ZFHX2: variants seen among roughly 807,000 people sequenced by gnomAD.
ZFHX2 encodes the protein zinc finger homeobox protein 2.
A neutral mutation model predicts 164.8 loss-of-function variants in ZFHX2; 75 were observed. The ratio of observed to expected loss-of-function variants is 0.46; its 90% CI spans 0.38 to 0.55. The LOEUF is 0.55. Among genes scored for constraint, ZFHX2 ranks in the 20% least tolerant of loss-of-function variants. The probability of loss-of-function intolerance (pLI) is 0.00; values close to 1 mark genes in which losing one functional copy is unlikely to be tolerated. For missense variants in ZFHX2, 2,933 were observed against 3,308.0 expected, an observed-to-expected ratio of 0.89 and a Z score of 2.78; for synonymous variants, 1,217 against 1,351.4, an observed-to-expected ratio of 0.90 and a Z score of 2.18.
Position 23,546,289 on chromosome 14 carries a change from T to A in ZFHX2, c.-50+5054A>T, listed in dbSNP as rs1009628655. 6.6e-6 allele frequency among the ~76,000 whole-genome samples: 1 copy of A among 152,230 alleles called. No individual in the cohort carries two copies. The highest frequency in any genetic ancestry group is 1.5e-5 in the Non-Finnish European group (1 of 68,050). Reference sequence around the variant, plus strand: ...TCCAAGGCCTGAACTTTAGCTTTGATGTAATCCTGTGTTCCTGCCAAATAC... The same window carrying A: ...TCCAAGGCCTGAACTTTAGCTTTGAAGTAATCCTGTGTTCCTGCCAAATAC... On this transcript the variant is annotated intron_variant, in intron 1 of 9. Transcript: ENST00000419474. The surrounding 1 kb of genome is among the most constrained non-coding windows in gnomAD (Gnocchi z 4.7).
chr14:23,533,543 G>A lies in ZFHX2; in HGVS notation c.1783C>T (p.Gln595Ter). 1 of 1,536,260 alleles carries A rather than the reference G, an allele frequency of 6.5e-7. No homozygotes were observed. The highest frequency in any genetic ancestry group is 8.7e-7 in the Non-Finnish European group (1 of 1,146,926). Residue 595 changes from glutamine (Q) to a stop codon, truncating the protein, a stop_gained, in exon 2 of 10, where the codon CAG becomes TAG. Coordinates refer to ENST00000419474, the MANE Select transcript of ZFHX2 (RefSeq NM_033400.3). LOFTEE classifies it high-confidence loss of function. The surrounding 1 kb of genome is among the most constrained non-coding windows in gnomAD (Gnocchi z 4.8). ...CCCTGGTGCAGCATTAGGACATTCT[G>A]CATGTGCTTCTCAGAGGTCATATGG... ...RIHMTSEKHM[Q>*]NVLMLHQGLP...
chr14:23,526,589 C>T lies in ZFHX2; in HGVS notation c.3353G>A (p.Ser1118Asn), dbSNP rs1595141976. ...GGCTGGAGAAGGGGGTTGGCCAGGG[C>T]TTCCTGAGGGTTTGTCTGGGACCTC... ...SVEVPDKPSG[S>N]PGQPPSPAPS... Residue 1118 changes from serine to asparagine, a missense_variant, in exon 9 of 10, where the codon AGC becomes AAC. Physicochemically the swap from Ser to Asn is conservative, Grantham distance 46. Coordinates refer to ENST00000419474, the MANE Select transcript of ZFHX2 (RefSeq NM_033400.3). 1 of 1,535,596 alleles carries T rather than the reference C, an allele frequency of 6.5e-7. No individual in the cohort carries two copies. The highest frequency in any genetic ancestry group is 8.7e-7 in the Non-Finnish European group (1 of 1,146,700).
In ZFHX2 at chr14:23,523,195, C is replaced by G; in HGVS notation, c.6739+8G>C. 7.0e-7 allele frequency: 1 copy of G among 1,419,200 alleles called. No individual in the cohort carries two copies. The highest frequency in any genetic ancestry group is 9.2e-7 in the Non-Finnish European group (1 of 1,092,070). The allele number at this position is 1,419,200 out of a possible 1,614,324, so 87.9% of individuals were successfully genotyped here. A position where few individuals can be genotyped will look rare whatever the true frequency, so the allele number is the denominator to read the frequency against. On this transcript the variant is annotated splice_region_variant and intron_variant, in intron 9 of 9. Coordinates refer to ENST00000419474, the MANE Select transcript of ZFHX2 (RefSeq NM_033400.3). This position sits in a 1 kb window ranked among gnomAD's most constrained non-coding sequence, Gnocchi z 4.1. ...TGAAGTCCAGCTCCTCCCAGCCTCC[C>G]TACTCACCTGAATTGAAAGGAGCTA... is the stretch of plus-strand genomic sequence containing the variant.
intron 1 of ZFHX2, chr14:23,543,058 TA>T (rs1311297428): frequency 5.3e-5 from 8 of 152,338 alleles, no homozygotes; most frequent in Admixed American, 4.6e-4. Flanking sequence ...TGTATGTAAA[TA>T]AGTCTTTCTG....
rs1184250131 is a variant in ZFHX2, at chr14:23,526,346, G to C, written c.3596C>G (p.Ser1199Cys). Residue 1199 changes from serine (S) to cysteine (C), a missense_variant, in exon 9 of 10, where the codon TCC becomes TGC. By Grantham distance (112) the Ser-to-Cys change is moderately radical. Transcript: ENST00000419474. ...RPYKCTVCKE[S>C]FTQKNILLVH... Reference sequence around the variant, plus strand: ...CAACAGAATATTCTTCTGGGTGAAGGACTCCTTACACACAGTGCACTTATA... The same window carrying C: ...CAACAGAATATTCTTCTGGGTGAAGCACTCCTTACACACAGTGCACTTATA... 1 of 1,536,280 alleles carries C rather than the reference G, an allele frequency of 6.5e-7. No homozygotes were observed. Among genetic ancestry groups the C allele is most frequent in the Non-Finnish European group, 8.7e-7 (1 of 1,146,918 alleles).
In ZFHX2 at chr14:23,523,793, C is replaced by T. The variant is rs1878356242; in HGVS notation, c.6149G>A (p.Ser2050Asn). 6.5e-7 allele frequency: 1 copy of T among 1,536,146 alleles called. No individual in the cohort carries two copies. The highest frequency in any genetic ancestry group is 2.4e-5 in the East Asian group (1 of 40,916). Reference sequence around the variant, plus strand: ...CCCAGTCCCACCTCCAGGTCCCCCACTGGTCCCTCCAGCCCCAGGGGATTC... The same window carrying T: ...CCCAGTCCCACCTCCAGGTCCCCCATTGGTCCCTCCAGCCCCAGGGGATTC... The part of the protein sequence containing the change: ...EPESPGAGGT[S>N]GGPGGGTGVP... Residue 2050 changes from serine to asparagine, a missense_variant, in exon 9 of 10, where the codon AGT becomes AAT. Coordinates refer to ENST00000419474, the MANE Select transcript of ZFHX2 (RefSeq NM_033400.3). This position sits in a 1 kb window ranked among gnomAD's most constrained non-coding sequence, Gnocchi z 4.1.
chr14:23,524,209 C>G lies in ZFHX2; in HGVS notation c.5733G>C (p.Arg1911=). 1 of 1,536,518 alleles carries G rather than the reference C, an allele frequency of 6.5e-7. No individual in the cohort carries two copies. Among genetic ancestry groups the G allele is most frequent in the Non-Finnish European group, 8.7e-7 (1 of 1,147,034 alleles). The change falls in exon 9 of 10, where the codon CGG becomes CGC. Residue 1911 remains arginine (R), a synonymous_variant. Coordinates refer to ENST00000419474, the MANE Select transcript of ZFHX2 (RefSeq NM_033400.3). The surrounding 1 kb of genome is among the most constrained non-coding windows in gnomAD (Gnocchi z 5.6). ...VQVWFQNTRA[R]ERKGQFRSTP... is the part of the protein sequence containing the mutation. ...TGCTTCGAAACTGGCCTTTCCTCTCCCGGGCCCTGGTATTCTGGAACCAGA... is the reference window on the plus strand; with the variant it reads ...TGCTTCGAAACTGGCCTTTCCTCTCGCGGGCCCTGGTATTCTGGAACCAGA...
chr14:23,549,570 A>T (rs1443170135), intron 1 of ZFHX2, among the ~76,000 whole-genome samples: 1 of 152,194 alleles, frequency 6.6e-6, no homozygotes, highest in Non-Finnish European at 1.5e-5. Flanking sequence ...GGATCTAAAT[A>T]TGATAGTAGC....
intron 1 of ZFHX2, among the ~76,000 whole-genome samples, chr14:23,540,895 CCT>C (rs1241591425): frequency 6.6e-6 from 1 of 151,950 alleles, no homozygotes; most frequent in African/African-American, 2.4e-5. Context: ...TCTGTTCACC[CCT>C]TTTTCTTTTT....
rs1346358785 is a variant in ZFHX2, at chr14:23,531,516, A to G, written c.2765T>C (p.Ile922Thr). ...TEEGLAALQS[I>T]LSFSHGQLRT... ...GAGCTGCCCGTGGCTGAAGCTCAGG[A>G]TGCTCTGAAGAGCTGCGAGTCCTTC... Residue 922 changes from isoleucine (I) to threonine (T), a missense_variant, in exon 4 of 10, where the codon ATC (isoleucine) becomes ACC (threonine). Physicochemically the swap from Ile to Thr is moderately conservative, Grantham distance 89 (BLOSUM62 -1). Transcript: ENST00000419474. The G allele has an allele frequency of 1.4e-6, 2 of 1,473,448 alleles. No homozygotes were observed. The highest frequency in any genetic ancestry group is 2.6e-5 in the East Asian group (1 of 38,674). 91.3% of individuals were successfully genotyped at this position (1,473,448 alleles called of 1,614,324 possible).
In ZFHX2 at chr14:23,531,498, C is replaced by T; in HGVS notation, c.2783G>A (p.Gly928Glu). The T allele has an allele frequency of 7.0e-7, 1 of 1,435,478 alleles. No individual in the cohort carries two copies. The highest frequency in any genetic ancestry group is 9.2e-7 in the Non-Finnish European group (1 of 1,087,758). The allele number at this position is 1,435,478 out of a possible 1,614,324, so 88.9% of individuals were successfully genotyped here. A position where few individuals can be genotyped will look rare whatever the true frequency, so the allele number is the denominator to read the frequency against. The change falls in exon 4 of 10, where the codon GGG (glycine) becomes GAG (glutamate). Residue 928 changes from glycine to glutamate, a missense_variant. By Grantham distance (98) the Gly-to-Glu change is moderately conservative. Transcript: ENST00000419474. ...TTCCTCACCGGGAGTCCGGAGCTGC[C>T]CGTGGCTGAAGCTCAGGATGCTCTG... Reference protein sequence around the residue: ...ALQSILSFSHGQLRTPGKAPV... With the variant: ...ALQSILSFSHEQLRTPGKAPV...
rs1214416195 is a variant in ZFHX2, at chr14:23,532,695, C to A, written c.2431G>T (p.Ala811Ser). The change falls in exon 3 of 10, where the codon GCT becomes TCT. Residue 811 changes from alanine (A) to serine (S), a missense_variant. Ala to Ser is a moderately conservative substitution (Grantham distance 99, BLOSUM62 1). Coordinates refer to ENST00000419474, the MANE Select transcript of ZFHX2 (RefSeq NM_033400.3). The stretch of plus-strand genomic sequence containing the variant: ...AGTGGGGAGACAGACCCATAAGGAG[C>A]CCCATCTCCCAGGGATGCTGGGGAA... Reference protein sequence around the residue: ...TPSPASLGDGAPYGSVSPLHL... With the variant: ...TPSPASLGDGSPYGSVSPLHL... 1 of 1,530,400 alleles carries A rather than the reference C, an allele frequency of 6.5e-7. No homozygotes were observed. The highest frequency in any genetic ancestry group is 1.2e-5 in the South Asian group (1 of 83,038). 94.8% of individuals were successfully genotyped at this position (1,530,400 alleles called of 1,614,324 possible).
chr14:23,527,858 C>A (rs1264632310), intron 6 of ZFHX2, 54 bp from the exon 7 acceptor site: 9 of 1,466,682 alleles, frequency 6.1e-6, no homozygotes, highest in Non-Finnish European at 8.3e-6. Context: ...TGGGACCCAC[C>A]ATCACATAGT....
At chr14:23,529,198 G>A (rs1439564825) in intron 6 of ZFHX2, among the ~76,000 whole-genome samples, 2 of 152,200 alleles carry the variant, frequency 1.3e-5, no homozygotes, top group Admixed American at 6.5e-5. Context: ...GCCTAGGTCT[G>A]AGTCCTGGGG....
At position 23,521,842 on chromosome 14, in the gene ZFHX2, T is replaced by C. The variant is rs1646163429; in HGVS notation, c.*120A>G. 2 of 1,473,642 alleles carry C rather than the reference T, an allele frequency of 1.4e-6. No homozygotes were observed. Among genetic ancestry groups the C allele is most frequent in the Admixed American group, 2.3e-5 (1 of 43,984 alleles). The allele number at this position is 1,473,642 out of a possible 1,614,324, so 91.3% of individuals were successfully genotyped here. ...CCCACTGAGGGTGGGAACTGAACAGTTCCTGTGAGGTGGGCGGGGCCAGGG... is the reference window on the plus strand; with the variant it reads ...CCCACTGAGGGTGGGAACTGAACAGCTCCTGTGAGGTGGGCGGGGCCAGGG... On this transcript the variant is annotated 3_prime_UTR_variant, in exon 10 of 10. Coordinates refer to ENST00000419474, the MANE Select transcript of ZFHX2 (RefSeq NM_033400.3).
chr14:23,533,150 G>A lies in ZFHX2; in HGVS notation c.2042-66C>T, dbSNP rs1424882095. 2 of 1,460,386 alleles carry A rather than the reference G, an allele frequency of 1.4e-6. No homozygotes were observed. The highest frequency in any genetic ancestry group is 2.8e-5 in the African/African-American group (2 of 70,696). The allele number at this position is 1,460,386 out of a possible 1,614,324, so 90.5% of individuals were successfully genotyped here. A position where few individuals can be genotyped will look rare whatever the true frequency, so the allele number is the denominator to read the frequency against. ...GGGCACGGTTGGTTCTCTATGTGGG[G>A]AGGTGGGTTAATGAGTAGGATAGTG... On this transcript the variant is annotated intron_variant, in intron 2 of 9. Transcript: ENST00000419474. This position sits in a 1 kb window ranked among gnomAD's most constrained non-coding sequence, Gnocchi z 4.8.
In ZFHX2 at chr14:23,523,257, A is replaced by G. The variant is rs1445255721; in HGVS notation, c.6685T>C (p.Ser2229Pro). ...GGGGGCTGAGCCAGAGCTGGGCCAGATAAGAGGACCGGCGCCAGGCGAGGC... is the reference window on the plus strand; with the variant it reads ...GGGGGCTGAGCCAGAGCTGGGCCAGGTAAGAGGACCGGCGCCAGGCGAGGC... Reference protein sequence around the residue: ...TLPRLAPVLLSGPALAQPPLG... With the variant: ...TLPRLAPVLLPGPALAQPPLG... The change falls in exon 9 of 10, where the codon TCT becomes CCT. Residue 2229 changes from serine to proline, a missense_variant. Physicochemically the swap from Ser to Pro is moderately conservative, Grantham distance 74 (BLOSUM62 -1). Coordinates refer to ENST00000419474, the MANE Select transcript of ZFHX2 (RefSeq NM_033400.3). The surrounding 1 kb of genome is among the most constrained non-coding windows in gnomAD (Gnocchi z 4.1). The G allele has an allele frequency of 7.0e-7, 1 of 1,436,230 alleles. No individual in the cohort carries two copies. Among genetic ancestry groups the G allele is most frequent in the Non-Finnish European group, 9.1e-7 (1 of 1,099,216 alleles). The allele number at this position is 1,436,230 out of a possible 1,614,324, so 89.0% of individuals were successfully genotyped here.
rs532071298 is a variant in ZFHX2, at chr14:23,549,947, G to A, written c.-50+1396C>T. Among the ~76,000 whole-genome samples the A allele has an allele frequency of 1.5e-3, 223 of 152,286 alleles. 1 individual carries two copies. Among genetic ancestry groups the A allele is most frequent in the Non-Finnish European group, 2.1e-3 (140 of 68,024 alleles). On this transcript the variant is annotated intron_variant, in intron 1 of 9. Transcript: ENST00000419474. ...ATCAAGAAGAAAAGGTAGGAAGAGG[G>A]CAGATTATGGGAACAAAGGTGGAAA...
At chr14:23,548,680 G>T (rs1881638841) in intron 1 of ZFHX2, among the ~76,000 whole-genome samples, 2 of 152,182 alleles carry the variant, frequency 1.3e-5, no homozygotes, top group Non-Finnish European at 2.9e-5. Context: ...TTTCGTGGGG[G>T]TAGTGAGTGA....
Sources: allele counts gnomAD v4.1 joint callset (sites outside exome capture counted in the v4.1 genomes callset), GRCh38; gene constraint gnomAD v4.1.1; non-coding constraint Gnocchi (gnomAD v3.1); transcripts MANE v1.5; gene names NCBI Gene and HGNC (gene_info 2026-07-23, HGNC 2026-07-21).